The following ASIC5 variants were observed in gnomAD, a reference collection of about 807,000 sequenced individuals.
The protein encoded by ASIC5 is acid sensing ion channel subunit family member 5.
A neutral mutation model predicts 51.2 loss-of-function variants in ASIC5; 52 were observed. The observed-to-expected ratio is 1.02, with a 90% CI of 0.81 to 1.28. ASIC5 has a LOEUF of 1.28. Among genes scored for constraint, ASIC5 ranks in the 50% most tolerant of loss-of-function variants. The probability of loss-of-function intolerance (pLI) is 0.00; values close to 1 mark genes in which losing one functional copy is unlikely to be tolerated. For missense variants in ASIC5, 635 were observed against 595.0 expected, an observed-to-expected ratio of 1.07 and a Z score of -0.70; for synonymous variants, 231 against 200.7, an observed-to-expected ratio of 1.15 and a Z score of -1.28.
In ASIC5 at chr4:155,862,788, A is replaced by G. The variant is rs28459488; in HGVS notation, c.347+660T>C. ...CTACATTAAGTAGCTCATCATATGT[A>G]CACCAGAACATTTTATATCGTTATG... On this transcript the variant is annotated intron_variant, in intron 2 of 9. Transcript: ENST00000537611. Among the ~76,000 whole-genome samples, 736 of 152,234 alleles carry G rather than the reference A, an allele frequency of 4.8e-3. 11 individuals carry two copies. Among genetic ancestry groups the G allele is most frequent in the African/African-American group, 0.017 (712 of 41,552 alleles).
intron 2 of ASIC5, 57 bp from the exon 3 acceptor site, chr4:155,854,371 A>T: frequency 8.6e-7 from 1 of 1,158,300 alleles, no homozygotes; most frequent in Non-Finnish European, 1.3e-6. Context: ...ATTATCTGGA[A>T]GACAGATACC....
At chr4:155,838,160 C>T (rs544618121) in intron 7 of ASIC5, among the ~76,000 whole-genome samples, 11 of 152,208 alleles carry the variant, frequency 7.2e-5, no homozygotes, top group South Asian at 2.1e-4. Context: ...AAGCAAGTTG[C>T]ATAGAAGGGT....
chr4:155,860,768 T>C (rs953516849), intron 2 of ASIC5, among the ~76,000 whole-genome samples: 1 of 151,870 alleles, frequency 6.6e-6, no homozygotes, highest in Non-Finnish European at 1.5e-5. Flanking sequence ...GCTGTAATCA[T>C]TGATTTGAGA....
intron 4 of ASIC5, among the ~76,000 whole-genome samples, chr4:155,847,823 G>A (rs990853960): frequency 1.3e-5 from 2 of 152,154 alleles, no homozygotes; most frequent in East Asian, 1.9e-4. Context: ...TGAGGAAGAG[G>A]TGGGCATGTG....
At chr4:155,834,165 A>G (rs2111224959) in intron 8 of ASIC5, among the ~76,000 whole-genome samples, 1 of 152,302 alleles carries the variant, frequency 6.6e-6, no homozygotes, top group East Asian at 1.9e-4. Context: ...CTTCAAGGGT[A>G]AACTCCACAC....
intron 6 of ASIC5, among the ~76,000 whole-genome samples, chr4:155,839,841 T>G (rs1741077218): frequency 1.3e-5 from 2 of 151,746 alleles, no homozygotes; most frequent in Non-Finnish European, 2.9e-5. Context: ...AAAAAGATGG[T>G]AGATGGAACA....
chr4:155,863,001 T>C (rs1419368664), intron 2 of ASIC5, among the ~76,000 whole-genome samples: 1 of 152,156 alleles, frequency 6.6e-6, no homozygotes, highest in African/African-American at 2.4e-5. Context: ...TGATTGTTGA[T>C]GTTTCTCTTT....
chr4:155,852,057 G>T, intron 4 of ASIC5, 134 bp downstream of exon 4: 1 of 1,045,792 alleles, frequency 9.6e-7, no homozygotes, highest in Non-Finnish European at 1.4e-6. Context: ...ATCCATAGGA[G>T]TCTAGACTAA....
chr4:155,831,172 T>G (rs1293656025), intron 9 of ASIC5, among the ~76,000 whole-genome samples: 1 of 152,136 alleles, frequency 6.6e-6, no homozygotes, highest in Admixed American at 6.5e-5. Context: ...CACTCTAGGG[T>G]AGAGCCCTGT....
chr4:155,840,529 A>T (rs1741093190), intron 6 of ASIC5, among the ~76,000 whole-genome samples: 2 of 149,078 alleles, frequency 1.3e-5, no homozygotes, highest in Admixed American at 1.3e-4. Context: ...TTATTATTAC[A>T]TTGAAAGAGA....
At chr4:155,851,242 C>A (rs1052518864) in intron 4 of ASIC5, among the ~76,000 whole-genome samples, 8 of 151,948 alleles carry the variant, frequency 5.3e-5, no homozygotes, top group Non-Finnish European at 8.8e-5. Context: ...AAGTATTAAT[C>A]AAATACATTA....
At chr4:155,838,566 A>T (rs1415070452) in intron 7 of ASIC5, among the ~76,000 whole-genome samples, 1 of 152,196 alleles carries the variant, frequency 6.6e-6, no homozygotes, top group East Asian at 1.9e-4. Context: ...AAAAGCAGCT[A>T]GGATATTTTG....
intron 8 of ASIC5, among the ~76,000 whole-genome samples, chr4:155,834,649 G>A (rs1186498985): frequency 6.6e-6 from 1 of 152,048 alleles, no homozygotes; most frequent in Non-Finnish European, 1.5e-5. Flanking sequence ...GGTAGAAGAG[G>A]GCGGTTCCCT....
At chr4:155,862,538 C>A (rs567402016) in intron 2 of ASIC5, among the ~76,000 whole-genome samples, 158 of 152,094 alleles carry the variant, frequency 1.0e-3, no homozygotes, top group Non-Finnish European at 2.0e-3. Context: ...TCATGCTTCA[C>A]CACAGGCAAT....
intron 6 of ASIC5, among the ~76,000 whole-genome samples, chr4:155,839,348 TACACACACACACACACACAC>T (rs60209135): frequency 1.4e-5 from 2 of 147,338 alleles, no homozygotes; most frequent in African/African-American, 2.5e-5. Flanking sequence ...TCTATCCATT[TACACACACACACACACACAC>T]ACACACACAC....
intron 4 of ASIC5, among the ~76,000 whole-genome samples, chr4:155,845,977 T>C (rs1741233529): frequency 6.6e-6 from 1 of 152,070 alleles, no homozygotes; most frequent in Non-Finnish European, 1.5e-5. Flanking sequence ...GTACCTTTAT[T>C]GGCATACCTA....
chr4:155,842,114 AT>A, intron 6 of ASIC5, 92 bp downstream of exon 6: 1 of 1,195,778 alleles, frequency 8.4e-7, no homozygotes, highest in Non-Finnish European at 1.2e-6. Flanking sequence ...TTCCATTTGT[AT>A]TTCAATACTC....
intron 4 of ASIC5, among the ~76,000 whole-genome samples, chr4:155,851,678 C>A (rs568100306): frequency 6.6e-6 from 1 of 152,054 alleles, no homozygotes; most frequent in Non-Finnish European, 1.5e-5. Flanking sequence ...ACACTTAGAA[C>A]TTATTAGGTC....
At chr4:155,836,980 G>A in intron 7 of ASIC5, 123 bp from the exon 8 acceptor site, 1 of 657,716 alleles carries the variant, frequency 1.5e-6, no homozygotes, top group Non-Finnish European at 2.4e-6. Context: ...AACAACAAAT[G>A]GTGTTTACTC....
Sources: gnomAD v4.1 joint callset for allele counts (sites outside exome capture counted in the v4.1 genomes callset) on GRCh38, gnomAD v4.1.1 for gene constraint, MANE v1.5 for transcripts, NCBI Gene and HGNC (gene_info 2026-07-23, HGNC 2026-07-21) for gene names.